The following TRIM35 variants were observed in gnomAD, a reference collection of about 807,000 sequenced individuals.
TRIM35 encodes the protein E3 ubiquitin-protein ligase TRIM35.
TRIM35 carries 37 observed loss-of-function variants against 49.1 expected under a neutral mutation model. The ratio of observed to expected loss-of-function variants is 0.75; its 90% CI spans 0.58 to 0.99. The LOEUF (loss-of-function observed/expected upper bound fraction) is 0.99. Ranked by LOEUF, TRIM35 falls within the 50% of genes least tolerant of loss-of-function variation. The pLI is 0.00. For synonymous variants in TRIM35, 302 were observed against 289.3 expected (o/e 1.04, Z -0.45); for missense variants, 648 against 702.7 (o/e 0.92, Z 0.88).
chr8:27,311,051 T>G lies in TRIM35; in HGVS notation c.185A>C (p.Asp62Ala). The G allele has an allele frequency of 6.3e-7, 1 of 1,598,122 alleles. No individual in the cohort carries two copies. The highest frequency in any genetic ancestry group is 8.5e-7 in the Non-Finnish European group (1 of 1,173,318). ...QVSPTCPVCK[D>A]RASPADLRTN... ...GCGCAGGTCGGCGGGTGACGCGCGG[T>G]CTTTGCACACTGGGCAGGTGGGCGA... Residue 62 changes from aspartate to alanine, a missense_variant, in exon 1 of 6, where the codon GAC (aspartate) becomes GCC (alanine). Coordinates refer to ENST00000305364, the MANE Select transcript of TRIM35 (RefSeq NM_171982.5).
chr8:27,293,804 T>C (rs150540507), intron 3 of TRIM35, among the ~76,000 whole-genome samples: 3 of 152,166 alleles, frequency 2.0e-5, no homozygotes, highest in African/African-American at 7.2e-5. Flanking sequence ...CACTGAGCTA[T>C]AATCACCCAC....
At chr8:27,310,074 C>T (rs929759417) in intron 1 of TRIM35, among the ~76,000 whole-genome samples, 1 of 151,962 alleles carries the variant, frequency 6.6e-6, no homozygotes, top group Admixed American at 6.6e-5. Context: ...TACATATGTT[C>T]TGGGTCACAA....
chr8:27,309,569 C>T (rs1176371960), intron 1 of TRIM35, among the ~76,000 whole-genome samples: 1 of 152,224 alleles, frequency 6.6e-6, no homozygotes, highest in Non-Finnish European at 1.5e-5. Flanking sequence ...TCGGGCAGCT[C>T]CTCCTCTCCA....
Position 27,287,950 on chromosome 8 carries a change from GCCACCT to G in TRIM35, c.1076_1081del (p.Glu359_Val360del), listed in dbSNP as rs1802369267. ...CCTCCAGCTCTGCAGCCCCCCAAGG[GCCACCT>G]CCCAGGCGTGCGAGCCCTGTGAGAA... On this transcript the variant is annotated inframe_deletion, in exon 6 of 6. Coordinates refer to ENST00000305364, the MANE Select transcript of TRIM35 (RefSeq NM_171982.5). This position sits in a 1 kb window ranked among gnomAD's most constrained non-coding sequence, Gnocchi z 6.0. 6.2e-7 allele frequency: 1 copy of G among 1,612,966 alleles called. No homozygotes were observed. The highest frequency in any genetic ancestry group is 1.7e-5 in the Admixed American group (1 of 59,986).
At chr8:27,301,800 T>C (rs1195006581) in intron 1 of TRIM35, among the ~76,000 whole-genome samples, 1 of 152,252 alleles carries the variant, frequency 6.6e-6, no homozygotes, top group Non-Finnish European at 1.5e-5. Context: ...TATTATTGTA[T>C]AGCTCTGTAG....
chr8:27,306,755 T>C (rs1802794728), intron 1 of TRIM35, among the ~76,000 whole-genome samples: 1 of 152,210 alleles, frequency 6.6e-6, no homozygotes, highest in South Asian at 2.1e-4. Context: ...GCCAATCCCG[T>C]AACAAGAAAG....
intron 1 of TRIM35, among the ~76,000 whole-genome samples, chr8:27,299,721 C>A (rs1286321627): frequency 6.6e-6 from 1 of 152,210 alleles, no homozygotes; most frequent in East Asian, 1.9e-4. Context: ...TCATTCCCAT[C>A]TGGACCTGAT....
At position 27,310,825 on chromosome 8, in the gene TRIM35, C is replaced by A; in HGVS notation, c.411G>T (p.Val137=). ...CCCGAAAGTCGTGGGCAGTGTCCTT[C>A]ACCGGCTGCACGCGGTGCCCCTGGT... ...PRHQGHRVQP[V]KDTAHDFRAK... Residue 137 remains valine (V), a synonymous_variant, in exon 1 of 6, where the codon GTG becomes GTT. Coordinates refer to ENST00000305364, the MANE Select transcript of TRIM35 (RefSeq NM_171982.5). 6.2e-7 allele frequency: 1 copy of A among 1,606,010 alleles called. No homozygotes were observed. The highest frequency in any genetic ancestry group is 1.3e-5 in the African/African-American group (1 of 74,838).
rs572759482 is a variant in TRIM35, at chr8:27,298,387, G to C, written c.531+77C>G. 3 of 1,426,448 alleles carry C rather than the reference G, an allele frequency of 2.1e-6. No homozygotes were observed. In the East Asian group the frequency reaches 6.9e-5, roughly 33 times the overall value. The allele number at this position is 1,426,448 out of a possible 1,614,324, so 88.4% of individuals were successfully genotyped here. A position where few individuals can be genotyped will look rare whatever the true frequency, so the allele number is the denominator to read the frequency against. ...AGCGGGTTATGTGAGCCAAAGCCAC[G>C]GCTGACACATCTTCACTCCTCCCCA... On this transcript the variant is annotated intron_variant, in intron 2 of 5. Transcript: ENST00000305364.
At chr8:27,289,467 T>C (rs1802408296) in intron 4 of TRIM35, among the ~76,000 whole-genome samples, 187 bp from the exon 5 acceptor site, 1 of 152,160 alleles carries the variant, frequency 6.6e-6, no homozygotes, top group Admixed American at 6.5e-5. Context: ...AGGGCTGCCA[T>C]CTCCCTTCAG....
intron 1 of TRIM35, among the ~76,000 whole-genome samples, chr8:27,298,805 G>T (rs1377272319): frequency 1.3e-5 from 2 of 152,212 alleles, no homozygotes; most frequent in Non-Finnish European, 2.9e-5. Flanking sequence ...GTACAGACTG[G>T]GAGATGGGGC....
At chr8:27,298,677 G>A in intron 1 of TRIM35, 118 bp from the exon 2 acceptor site, 2 of 814,892 alleles carry the variant, frequency 2.5e-6, no homozygotes, top group Admixed American at 2.0e-5. Flanking sequence ...TAACTCAACT[G>A]CATTTGCCTA....
intron 1 of TRIM35, among the ~76,000 whole-genome samples, chr8:27,302,894 T>A (rs190584609): frequency 2.8e-4 from 42 of 152,324 alleles, no homozygotes; most frequent in Non-Finnish European, 5.1e-4. Context: ...TTGCTTCCCT[T>A]CTTTCCAAAC....
intron 3 of TRIM35, among the ~76,000 whole-genome samples, chr8:27,291,836 C>A (rs1403931331): frequency 6.6e-6 from 1 of 152,178 alleles, no homozygotes; most frequent in Non-Finnish European, 1.5e-5. Context: ...AGAGACTACA[C>A]ATAAGACCAA....
In TRIM35 at chr8:27,294,115, T is replaced by C. The variant is rs149727000; in HGVS notation, c.727A>G (p.Met243Val). Residue 243 changes from methionine to valine, a missense_variant, in exon 3 of 6, where the codon ATG becomes GTG. By Grantham distance (21) the Met-to-Val change is conservative. Transcript: ENST00000305364. The stretch of plus-strand genomic sequence containing the variant: ...GAAACGTCGTCCTCCTTCATCTCCA[T>C]CTGCAGCCGCTCGATCTCATGTGCC... ...VLAHEIERLQ[M>V]EMKEDDVSFL... 322 of 1,614,046 alleles carry C rather than the reference T, an allele frequency of 2.0e-4. No homozygotes were observed. Among genetic ancestry groups the C allele is most frequent in the Non-Finnish European group, 2.4e-4 (289 of 1,180,040 alleles).
chr8:27,286,882 G>A lies in TRIM35; in HGVS notation c.*668C>T, dbSNP rs11557589. 5,132 of 152,764 alleles carry A rather than the reference G, an allele frequency of 0.034. 255 individuals carry two copies. Among genetic ancestry groups the A allele is most frequent in the African/African-American group, 0.1 (4,263 of 41,512 alleles). The allele number at this position is 152,764 out of a possible 1,614,324, so 9.5% of individuals were successfully genotyped here. Reference sequence around the variant, plus strand: ...ATGGCGCCAGCTGCCTCCTTCACATGGCTCTCCCAGGGCTGTCACACCCCA... The same window carrying A: ...ATGGCGCCAGCTGCCTCCTTCACATAGCTCTCCCAGGGCTGTCACACCCCA... On this transcript the variant is annotated 3_prime_UTR_variant, in exon 6 of 6. Coordinates refer to ENST00000305364, the MANE Select transcript of TRIM35 (RefSeq NM_171982.5).
intron 2 of TRIM35, among the ~76,000 whole-genome samples, chr8:27,297,733 A>C (rs1802598555): frequency 6.6e-6 from 1 of 152,254 alleles, no homozygotes; most frequent in Admixed American, 6.5e-5. Flanking sequence ...ATCTGAGCTG[A>C]GATTTTAATG....
intron 1 of TRIM35, among the ~76,000 whole-genome samples, chr8:27,301,548 G>A (rs1161502983): frequency 2.0e-5 from 3 of 152,076 alleles, no homozygotes; most frequent in Admixed American, 6.6e-5. Flanking sequence ...TTTCCATTGC[G>A]TTGCCTGCCA....
chr8:27,294,220 C>A lies in TRIM35; in HGVS notation c.622G>T (p.Ala208Ser). Reference protein sequence around the residue: ...LRVEEQAILDAMAEETRQKQL... With the variant: ...LRVEEQAILDSMAEETRQKQL... Reference sequence around the variant, plus strand: ...TTCTGCCTTGTCTCCTCGGCCATGGCATCCAGAATGGCCTGCTCCTCCACT... The same window carrying A: ...TTCTGCCTTGTCTCCTCGGCCATGGAATCCAGAATGGCCTGCTCCTCCACT... The change falls in exon 3 of 6, where the codon GCC becomes TCC. Residue 208 changes from alanine (A) to serine (S), a missense_variant. Ala to Ser is a moderately conservative substitution (Grantham distance 99). Coordinates refer to ENST00000305364, the MANE Select transcript of TRIM35 (RefSeq NM_171982.5). 6.2e-7 allele frequency: 1 copy of A among 1,614,230 alleles called. No homozygotes were observed. Among genetic ancestry groups the A allele is most frequent in the Admixed American group, 1.7e-5 (1 of 60,024 alleles).
Sources: allele counts gnomAD v4.1 joint callset (sites outside exome capture counted in the v4.1 genomes callset), GRCh38; gene constraint gnomAD v4.1.1; non-coding constraint Gnocchi (gnomAD v3.1); transcripts MANE v1.5; gene names NCBI Gene and HGNC (gene_info 2026-07-23, HGNC 2026-07-21).